Variants in PHACTR1 observed in about 807,000 individuals in gnomAD.
The protein encoded by PHACTR1 is phosphatase and actin regulator 1.
In PHACTR1, 16 loss-of-function variants were observed where a neutral mutation model predicts 69.2. That is an observed-to-expected ratio of 0.23 (90% CI 0.16 to 0.35). The LOEUF (loss-of-function observed/expected upper bound fraction) is 0.35, where lower values mean the gene tolerates loss of function less well. PHACTR1 is among the 10% of genes least tolerant of loss of function. PHACTR1 has a pLI of 1.00. For synonymous variants in PHACTR1, 312 were observed against 284.5 expected, an observed-to-expected ratio of 1.10 and a Z score of -0.97; for missense variants, 510 against 734.7, an observed-to-expected ratio of 0.69 and a Z score of 3.54.
chr6:13,138,167 C>T (rs1821850759), intron 5 of PHACTR1, among the ~76,000 whole-genome samples: 2 of 152,088 alleles, frequency 1.3e-5, no homozygotes, highest in Non-Finnish European at 2.9e-5. Flanking sequence ...GTGATGAGGC[C>T]ATCTGTGTGT....
At chr6:13,041,333 A>AATACATAC (rs199629142) in intron 4 of PHACTR1, among the ~76,000 whole-genome samples, 2,303 of 68,894 alleles carry the variant, frequency 0.033, 62 homozygotes, top group African/African-American at 0.091. Flanking sequence ...TGGTAATTAA[A>AATACATAC]ATACATACAC....
intron 4 of PHACTR1, among the ~76,000 whole-genome samples, chr6:12,761,856 G>A (rs1768054006): frequency 6.6e-6 from 1 of 152,174 alleles, no homozygotes; most frequent in African/African-American, 2.4e-5. Flanking sequence ...GATCCCCTGT[G>A]GATCTGCGGA....
chr6:13,086,655 C>T (rs1812364330), intron 5 of PHACTR1, among the ~76,000 whole-genome samples: 1 of 152,068 alleles, frequency 6.6e-6, no homozygotes, highest in South Asian at 2.1e-4. Context: ...TCGTTTATTC[C>T]TTTTTGTTGC....
chr6:13,265,062 A>G (rs1776457766), intron 10 of PHACTR1: 1 of 152,024 alleles, frequency 6.6e-6, no homozygotes, highest in South Asian at 2.1e-4. Context: ...AATAAAATAA[A>G]ATTCCACCAC....
chr6:12,872,379 C>G (rs541142067), intron 4 of PHACTR1, among the ~76,000 whole-genome samples: 2 of 152,230 alleles, frequency 1.3e-5, no homozygotes, highest in East Asian at 1.9e-4. Context: ...TAACTCTACT[C>G]TTACTGGATG....
At chr6:13,241,941 G>A (rs1772903195) in intron 10 of PHACTR1, among the ~76,000 whole-genome samples, 1 of 151,114 alleles carries the variant, frequency 6.6e-6, no homozygotes, top group Non-Finnish European at 1.5e-5. Flanking sequence ...GCTGAGGCAG[G>A]AGAATCGCTT....
intron 5 of PHACTR1, among the ~76,000 whole-genome samples, chr6:13,130,765 C>G (rs1358748595): frequency 6.6e-6 from 1 of 152,044 alleles, no homozygotes; most frequent in Non-Finnish European, 1.5e-5. Flanking sequence ...TGAAACTATT[C>G]CAAAAGATAG....
chr6:13,008,370 A>G (rs985634926), intron 4 of PHACTR1, among the ~76,000 whole-genome samples: 2 of 152,224 alleles, frequency 1.3e-5, no homozygotes, highest in African/African-American at 2.4e-5. Context: ...CCAGCCATAA[A>G]CAATTCATAC....
chr6:13,182,643 C>T lies in PHACTR1; in HGVS notation c.621C>T (p.Cys207=), dbSNP rs1762332669. ...CAGTCCCAATGCCCAGGGATCCCTG[C>T]TCATATGAGGTGCTCCAACCGTCAG... The part of the protein sequence containing the change: ...MEPVPMPRDP[C]SYEVLQPSDI... Residue 207 remains cysteine (C), a synonymous_variant, in exon 7 of 15, where the codon TGC becomes TGT. Transcript: ENST00000332995. 1.2e-6 allele frequency: 2 copies of T among 1,602,816 alleles called. No homozygotes were observed. Among genetic ancestry groups the T allele is most frequent in the East Asian group, 4.5e-5 (2 of 44,644 alleles).
intron 4 of PHACTR1, among the ~76,000 whole-genome samples, chr6:12,986,314 C>T (rs1233056230): frequency 6.6e-6 from 1 of 152,180 alleles, no homozygotes; most frequent in Non-Finnish European, 1.5e-5. Context: ...ACCGGTGACA[C>T]ACATAGTTGT....
At chr6:13,061,185 G>T (rs1807626371) in intron 5 of PHACTR1, among the ~76,000 whole-genome samples, 1 of 152,120 alleles carries the variant, frequency 6.6e-6, no homozygotes, top group South Asian at 2.1e-4. Flanking sequence ...AAGGGTACCA[G>T]ACATTTGATT....
intron 4 of PHACTR1, among the ~76,000 whole-genome samples, chr6:12,825,148 T>G: frequency 6.6e-6 from 1 of 151,844 alleles, no homozygotes. Flanking sequence ...CACACACATT[T>G]AATTTAATTT....
At chr6:13,226,929 G>A (rs993586893) in intron 8 of PHACTR1, among the ~76,000 whole-genome samples, 6 of 151,960 alleles carry the variant, frequency 3.9e-5, no homozygotes, top group African/African-American at 1.4e-4. Context: ...GTAGAGAGAA[G>A]GTTTCACCAT....
Position 12,873,351 on chromosome 6 carries a change from A to G in PHACTR1, c.250+123561A>G, listed in dbSNP as rs531572707. On this transcript the variant is annotated intron_variant, in intron 4 of 14. Coordinates refer to ENST00000332995, the MANE Select transcript of PHACTR1 (RefSeq NM_030948.6). ...TCTTAAGATAAGACCAGTCTGGATC[A>G]GAGATGAAAAAAGCAATAAACATTT... 4.6e-5 allele frequency among the ~76,000 whole-genome samples: 7 copies of G among 152,216 alleles called. No individual in the cohort carries two copies. The South Asian group carries it at 1.5e-3, about 32-fold the overall frequency.
intron 10 of PHACTR1, among the ~76,000 whole-genome samples, chr6:13,251,360 C>T (rs1218422335): frequency 2.6e-5 from 4 of 152,214 alleles, no homozygotes; most frequent in Admixed American, 2.6e-4. Context: ...TTGTCTGGTG[C>T]TCCCTGAGAG....
chr6:12,750,242 G>C (rs1233191431), intron 4 of PHACTR1, among the ~76,000 whole-genome samples: 1 of 152,302 alleles, frequency 6.6e-6, no homozygotes, highest in East Asian at 1.9e-4. Context: ...AGTGGGGAGA[G>C]GGGGCGGGGC....
intron 4 of PHACTR1, among the ~76,000 whole-genome samples, chr6:12,811,808 C>T (rs1775042848): frequency 6.6e-6 from 1 of 152,052 alleles, no homozygotes; most frequent in Non-Finnish European, 1.5e-5. Context: ...TAGTAGTAGA[C>T]TTTCTGAAGG....
At chr6:13,281,001 A>G in intron 12 of PHACTR1, 2 of 1,289,640 alleles carry the variant, frequency 1.6e-6, no homozygotes, top group Non-Finnish European at 2.0e-6. Flanking sequence ...TCTGAGAGGC[A>G]GCAGCCAGCT....
intron 5 of PHACTR1, among the ~76,000 whole-genome samples, chr6:13,152,055 G>C (rs1397251060): frequency 1.3e-5 from 2 of 152,112 alleles, no homozygotes; most frequent in Non-Finnish European, 2.9e-5. Context: ...ATGTCAGGCT[G>C]GGCGCAGTGG....
Sources: gnomAD v4.1 joint callset for allele counts (sites outside exome capture counted in the v4.1 genomes callset) on GRCh38, gnomAD v4.1.1 for gene constraint, MANE v1.5 for transcripts, NCBI Gene and HGNC (gene_info 2026-07-23, HGNC 2026-07-21) for gene names.